The following RSU1 variants were observed in gnomAD, a reference collection of about 807,000 sequenced individuals.
The protein encoded by RSU1 is rsu-1.
In RSU1, 26 loss-of-function variants were observed where a neutral mutation model predicts 31.1. The ratio of observed to expected loss-of-function variants is 0.84; its 90% CI spans 0.61 to 1.16. RSU1 has a LOEUF of 1.16. Among genes scored for constraint, RSU1 ranks in the 50% most tolerant of loss-of-function variants. RSU1 has a pLI of 0.00. For missense variants in RSU1, 320 were observed against 339.1 expected (o/e 0.94, Z 0.44); for synonymous variants, 164 against 136.3 (o/e 1.20, Z -1.41).
chr10:16,792,865 T>C (rs896834416), intron 2 of RSU1, among the ~76,000 whole-genome samples: 2 of 152,194 alleles, frequency 1.3e-5, no homozygotes, highest in Non-Finnish European at 2.9e-5. Flanking sequence ...TCCACAGGAA[T>C]GTGGAAGCTG....
intron 7 of RSU1, among the ~76,000 whole-genome samples, chr10:16,697,879 T>C (rs1244093301): frequency 6.6e-6 from 1 of 151,982 alleles, no homozygotes; most frequent in Non-Finnish European, 1.5e-5. Context: ...TCGGAACTTC[T>C]AGTTGGTAGA....
intron 8 of RSU1, among the ~76,000 whole-genome samples, chr10:16,633,572 C>G (rs1235257326): frequency 6.6e-6 from 1 of 152,080 alleles, no homozygotes; most frequent in Non-Finnish European, 1.5e-5. Context: ...AAGGAATGTT[C>G]TGGAATGCCT....
chr10:16,815,380 C>T (rs1440202490), intron 2 of RSU1, among the ~76,000 whole-genome samples: 6 of 152,198 alleles, frequency 3.9e-5, no homozygotes, highest in African/African-American at 1.2e-4. Flanking sequence ...GGCAGGTTTT[C>T]GAACCGTGAA....
intron 2 of RSU1, among the ~76,000 whole-genome samples, chr10:16,793,405 A>C (rs1837967350): frequency 6.6e-6 from 1 of 152,182 alleles, no homozygotes; most frequent in East Asian, 1.9e-4. Context: ...TAATAGCAGC[A>C]AATTCACCTA....
chr10:16,726,991 C>T (rs1836410362), intron 7 of RSU1: 1 of 447,396 alleles, frequency 2.2e-6, no homozygotes, highest in East Asian at 7.0e-5. Flanking sequence ...TTATCAAAAG[C>T]AACACTCTGA....
chr10:16,760,184 C>A (rs1446786599), intron 4 of RSU1, among the ~76,000 whole-genome samples: 1 of 152,114 alleles, frequency 6.6e-6, no homozygotes, highest in African/African-American at 2.4e-5. Context: ...CCAAAGAGAA[C>A]AAGAAGGCAA....
At chr10:16,728,136 G>A (rs1274727514) in intron 7 of RSU1, among the ~76,000 whole-genome samples, 1 of 152,088 alleles carries the variant, frequency 6.6e-6, no homozygotes, top group Non-Finnish European at 1.5e-5. Context: ...TGTTATTTCT[G>A]GACATGACAT....
Position 16,754,556 on chromosome 10 carries a change from T to C in RSU1, c.400+315A>G, listed in dbSNP as rs946162789. 5.9e-5 allele frequency among the ~76,000 whole-genome samples: 9 copies of C among 152,050 alleles called. No homozygotes were observed. The East Asian group carries it at 1.7e-3, about 29-fold the overall frequency. The stretch of plus-strand genomic sequence containing the variant: ...CAACATAGGAAGATACTTTTTTTTT[T>C]TTTTTTGGCATGCTATTTAAAAAGA... On this transcript the variant is annotated intron_variant, in intron 5 of 8. Coordinates refer to ENST00000345264, the MANE Select transcript of RSU1 (RefSeq NM_012425.4).
intron 8 of RSU1, among the ~76,000 whole-genome samples, chr10:16,615,202 T>C (rs560496125): frequency 1.4e-5 from 2 of 145,612 alleles, no homozygotes; most frequent in South Asian, 2.2e-4. Context: ...ACTAAGCAAA[T>C]GGAGAGAAAA....
chr10:16,645,974 A>G (rs991244707), intron 8 of RSU1, among the ~76,000 whole-genome samples: 4 of 46,242 alleles, frequency 8.7e-5, no homozygotes, highest in East Asian at 5.3e-4. Context: ...GTGTATATAT[A>G]TGTGTATATA....
In RSU1 at chr10:16,764,505, G is replaced by T. The variant is rs751933557; in HGVS notation, c.166C>A (p.Pro56Thr). The change falls in exon 4 of 9, where the codon CCA (proline) becomes ACA (threonine). Residue 56 changes from proline (P) to threonine (T), a missense_variant. Transcript: ENST00000345264. The stretch of plus-strand genomic sequence containing the variant: ...TTCTTCAGTTCTGCGATGTTCGGTG[G>T]CACCACTATGGAAACAAAAATGCTG... ...VLSHNKLTMV[P>T]PNIAELKNLE... 4 of 1,612,518 alleles carry T rather than the reference G, an allele frequency of 2.5e-6. No homozygotes were observed. The highest frequency in any genetic ancestry group is 3.4e-6 in the Non-Finnish European group (4 of 1,179,284).
chr10:16,641,353 G>A (rs185112748), intron 8 of RSU1, among the ~76,000 whole-genome samples: 5 of 152,116 alleles, frequency 3.3e-5, no homozygotes, highest in South Asian at 2.1e-4. Flanking sequence ...TTAACCGGGC[G>A]TGGTGACAGG....
intron 7 of RSU1, among the ~76,000 whole-genome samples, chr10:16,742,683 C>A (rs949989542): frequency 2.8e-4 from 42 of 152,014 alleles, no homozygotes; most frequent in African/African-American, 9.9e-4. Context: ...CATTTAGCAT[C>A]CTATTAAATC....
chr10:16,616,056 C>A (rs1262538719), intron 8 of RSU1, among the ~76,000 whole-genome samples: 1 of 151,656 alleles, frequency 6.6e-6, no homozygotes, highest in Non-Finnish European at 1.5e-5. Flanking sequence ...CAGGAAAAAC[C>A]CTTTAAAAAA....
At chr10:16,812,180 G>C (rs1029364514) in intron 2 of RSU1, among the ~76,000 whole-genome samples, 2 of 152,208 alleles carry the variant, frequency 1.3e-5, no homozygotes, top group African/African-American at 4.8e-5. Flanking sequence ...AGTGGCTCAC[G>C]CCTGTAATCC....
intron 2 of RSU1, among the ~76,000 whole-genome samples, chr10:16,805,850 C>T (rs1270332971): frequency 1.3e-5 from 2 of 151,916 alleles, no homozygotes; most frequent in South Asian, 2.1e-4. Context: ...GTAAGAGGCA[C>T]GCTTCCGAGT....
At chr10:16,638,582 C>T (rs569054531) in intron 8 of RSU1, among the ~76,000 whole-genome samples, 14 of 152,268 alleles carry the variant, frequency 9.2e-5, no homozygotes, top group Admixed American at 2.0e-4. Flanking sequence ...TTGAGAGGTT[C>T]GTTTTGGATG....
intron 8 of RSU1, among the ~76,000 whole-genome samples, chr10:16,669,001 C>T (rs1420505826): frequency 6.6e-6 from 1 of 152,260 alleles, no homozygotes; most frequent in East Asian, 1.9e-4. Flanking sequence ...AGGTGGTGCA[C>T]TTTTCCTTTA....
At chr10:16,703,577 G>A (rs1028251400) in intron 7 of RSU1, among the ~76,000 whole-genome samples, 6 of 152,098 alleles carry the variant, frequency 3.9e-5, no homozygotes, top group Non-Finnish European at 5.9e-5. Context: ...ATAATTATGA[G>A]ACACTCAGAG....
Sources: gnomAD v4.1 joint callset for allele counts (sites outside exome capture counted in the v4.1 genomes callset) on GRCh38, gnomAD v4.1.1 for gene constraint, MANE v1.5 for transcripts, NCBI Gene and HGNC (gene_info 2026-07-23, HGNC 2026-07-21) for gene names.